The following ING5 variants were observed in gnomAD, a reference collection of about 807,000 sequenced individuals.
The protein encoded by ING5 is inhibitor of growth protein 5.
A neutral mutation model predicts 37.4 loss-of-function variants in ING5; 17 were observed. That is an observed-to-expected ratio of 0.45 (90% CI 0.31 to 0.68). The LOEUF (loss-of-function observed/expected upper bound fraction) is 0.68, where lower values mean the gene tolerates loss of function less well. ING5 is among the 30% of genes least tolerant of loss of function. The pLI, the probability that ING5 is intolerant of heterozygous loss-of-function variation, is 0.05. For missense variants in ING5, 233 were observed against 311.9 expected (o/e 0.75, Z 1.91); for synonymous variants, 123 against 116.6 (o/e 1.06, Z -0.36).
chr2:241,715,008 G>A (rs1478813471), intron 5 of ING5, among the ~76,000 whole-genome samples: 1 of 151,872 alleles, frequency 6.6e-6, no homozygotes, highest in African/African-American at 2.4e-5. Flanking sequence ...TTTCTACTCA[G>A]GTTTACTTTG....
intron 2 of ING5, among the ~76,000 whole-genome samples, chr2:241,706,643 A>AG (rs71049601): frequency 6.8e-6 from 1 of 147,406 alleles, no homozygotes; most frequent in African/African-American, 2.5e-5. Flanking sequence ...AAAAAAAAAA[A>AG]GAAAAAAAGG....
chr2:241,721,132 G>T lies in ING5; in HGVS notation c.483-1807G>T, dbSNP rs377054904. 6.7e-4 allele frequency: 657 copies of T among 985,534 alleles called. 2 individuals are homozygous for T. The African/African-American group carries it at 0.011, about 16-fold the overall frequency. The allele number at this position is 985,534 out of a possible 1,614,324, so 61.0% of individuals were successfully genotyped here. ...GTTTCGGGGACGGTTGGCAGCAGAG[G>T]GTGCTGCCCTGCTCTCCGCGGGTGA... On this transcript the variant is annotated intron_variant, in intron 5 of 7. Transcript: ENST00000313552.
chr2:241,691,497 C>G (rs946747826), intron 2 of ING5, among the ~76,000 whole-genome samples: 2 of 151,366 alleles, frequency 1.3e-5, no homozygotes, highest in Non-Finnish European at 2.9e-5. Context: ...TTGCTAGTCC[C>G]TGTTTCTTAG....
rs530020981 is a variant in ING5, at chr2:241,719,380, C to A, written c.483-3559C>A. 182 of 687,874 alleles carry A rather than the reference C, an allele frequency of 2.6e-4. 1 individual carries two copies. The South Asian group carries it at 2.9e-3, about 11-fold the overall frequency. 42.6% of individuals were successfully genotyped at this position (687,874 alleles called of 1,614,324 possible). On this transcript the variant is annotated intron_variant, in intron 5 of 7. Transcript: ENST00000313552. The stretch of plus-strand genomic sequence containing the variant: ...CCGCCCCCAACCCCCCAACACCCCC[C>A]ACTCTGGCTGCAGGTCATCTAGCTC...
At chr2:241,705,401 T>C (rs180689924) in intron 2 of ING5, among the ~76,000 whole-genome samples, 4,708 of 140,562 alleles carry the variant, frequency 0.033, 120 homozygotes, top group Middle Eastern at 0.12. Context: ...TTTCTTTTTT[T>C]TTTTTTTTTT....
At chr2:241,705,708 T>G (rs557428273) in intron 2 of ING5, among the ~76,000 whole-genome samples, 39 of 152,284 alleles carry the variant, frequency 2.6e-4, no homozygotes, top group African/African-American at 9.4e-4. Flanking sequence ...GCCCGGCCCT[T>G]AAACTCCCTG....
In ING5 at chr2:241,704,593, G is replaced by A. The variant is rs2069846769; in HGVS notation, c.38-60G>A. On this transcript the variant is annotated intron_variant, in intron 1 of 7. Coordinates refer to ENST00000313552, the MANE Select transcript of ING5 (RefSeq NM_032329.6). Reference sequence around the variant, plus strand: ...CAAAAAAAAAAGACAGAAAACCTTTGGAGGTGAATTTTTGTCTTGCTGCTG... The same window carrying A: ...CAAAAAAAAAAGACAGAAAACCTTTAGAGGTGAATTTTTGTCTTGCTGCTG... The A allele has an allele frequency of 6.0e-6, 8 of 1,338,236 alleles. No individual in the cohort carries two copies. The South Asian group carries it at 9.4e-5, about 16-fold the overall frequency. 82.9% of individuals were successfully genotyped at this position (1,338,236 alleles called of 1,614,324 possible).
chr2:241,716,670 A>C (rs1176502694), intron 5 of ING5, among the ~76,000 whole-genome samples: 2 of 152,104 alleles, frequency 1.3e-5, no homozygotes, highest in Admixed American at 1.3e-4. Context: ...ATATTACACT[A>C]TTTGATGTTT....
intron 5 of ING5, among the ~76,000 whole-genome samples, chr2:241,716,110 A>G (rs2070260790): frequency 6.6e-6 from 1 of 150,954 alleles, no homozygotes; most frequent in Non-Finnish European, 1.5e-5. Context: ...CTTCATTGCA[A>G]TATTTGGTCT....
intron 5 of ING5, chr2:241,712,315 G>T (rs1256198024): frequency 2.4e-6 from 1 of 421,926 alleles, no homozygotes; most frequent in African/African-American, 2.0e-5. Context: ...CTGTGGTGCG[G>T]CTGGGCTGCA....
At chr2:241,694,583 CT>C (rs2069604423) in intron 2 of ING5, among the ~76,000 whole-genome samples, 1 of 151,926 alleles carries the variant, frequency 6.6e-6, no homozygotes, top group Admixed American at 6.6e-5. Context: ...TTTTTCCCCC[CT>C]CTAATGAGTT....
intron 5 of ING5, among the ~76,000 whole-genome samples, chr2:241,714,265 T>C (rs781670770): frequency 5.9e-5 from 9 of 152,214 alleles, no homozygotes; most frequent in Non-Finnish European, 8.8e-5. Context: ...ACACTATACA[T>C]TATAGTTTAG....
At chr2:241,705,016 G>A (rs890464481) in intron 2 of ING5, among the ~76,000 whole-genome samples, 6 of 152,140 alleles carry the variant, frequency 3.9e-5, no homozygotes, top group Non-Finnish European at 8.8e-5. Context: ...TTTTCAAAGT[G>A]TGTAGTGCGT....
Position 241,702,142 on chromosome 2 carries a change from G to C in ING5, c.37+40G>C, listed in dbSNP as rs2069749839. ...CGGGCCCCGCGCCCGCCGCCCACGC[G>C]GAGTCCTCCGTGCCGCAGCCCCCCG... On this transcript the variant is annotated intron_variant, in intron 1 of 7. Coordinates refer to ENST00000313552, the MANE Select transcript of ING5 (RefSeq NM_032329.6). 3.2e-6 allele frequency: 4 copies of C among 1,237,332 alleles called. No individual in the cohort carries two copies. The East Asian group carries it at 1.4e-4, about 44-fold the overall frequency. 76.6% of individuals were successfully genotyped at this position (1,237,332 alleles called of 1,614,324 possible). A position where few individuals can be genotyped will look rare whatever the true frequency, so the allele number is the denominator to read the frequency against.
At chr2:241,724,099 G>T in intron 7 of ING5, 1 of 1,308,208 alleles carries the variant, frequency 7.6e-7, no homozygotes, top group Non-Finnish European at 9.8e-7. Context: ...AATGAAATCG[G>T]AATGTGCTCT....
upstream of ING5, among the ~76,000 whole-genome samples, chr2:241,701,811 A>G (rs1490696076): frequency 6.6e-6 from 1 of 151,130 alleles, no homozygotes; most frequent in Non-Finnish European, 1.5e-5. Flanking sequence ...GGGGCCGGGA[A>G]CCCCTGCTCC....
chr2:241,709,008 G>A (rs569846173), intron 2 of ING5: 10 of 489,092 alleles, frequency 2.0e-5, no homozygotes, highest in South Asian at 1.6e-4. Flanking sequence ...TCCTGGGCAC[G>A]TTGCCGTAAA....
At chr2:241,712,777 G>A (rs1216424942) in intron 5 of ING5, among the ~76,000 whole-genome samples, 3 of 152,088 alleles carry the variant, frequency 2.0e-5, no homozygotes, top group South Asian at 2.1e-4. Flanking sequence ...TATAATTCCC[G>A]CACTTTGGGA....
Position 241,702,380 on chromosome 2 carries a change from T to G in ING5, c.37+278T>G, listed in dbSNP as rs866205445. On this transcript the variant is annotated intron_variant, in intron 1 of 7. Transcript: ENST00000313552. ...GCGATGCTGGGCGGGGCTTGCGGCCTCGACCCCGCCCACATATTAGGTCCC... is the reference window on the plus strand; with the variant it reads ...GCGATGCTGGGCGGGGCTTGCGGCCGCGACCCCGCCCACATATTAGGTCCC... 7.4e-3 allele frequency among the ~76,000 whole-genome samples: 1,080 copies of G among 145,686 alleles called. 18 individuals are homozygous for G. Among genetic ancestry groups the G allele is most frequent in the African/African-American group, 0.026 (1,038 of 39,186 alleles).
Sources: allele counts gnomAD v4.1 joint callset (sites outside exome capture counted in the v4.1 genomes callset), GRCh38; gene constraint gnomAD v4.1.1; transcripts MANE v1.5; gene names NCBI Gene and HGNC (gene_info 2026-07-23, HGNC 2026-07-21).